Variants in IL1RAPL1 observed in about 807,000 individuals in gnomAD.
IL1RAPL1 encodes interleukin-1 receptor accessory protein-like 1.
A neutral mutation model predicts 48.4 loss-of-function variants in IL1RAPL1; 3 were observed. That is an observed-to-expected ratio of 0.06 (90% CI 0.03 to 0.16). The LOEUF is 0.16. Among genes scored for constraint, IL1RAPL1 ranks in the 10% least tolerant of loss-of-function variants. The pLI is 1.00. For missense variants in IL1RAPL1, 349 were observed against 530.6 expected, an observed-to-expected ratio of 0.66 and a Z score of 3.36; for synonymous variants, 185 against 187.7, an observed-to-expected ratio of 0.99 and a Z score of 0.12.
intron 6 of IL1RAPL1, among the ~76,000 whole-genome samples, chrX:29,803,224 TATACACAC>T (rs1930095404): frequency 7.3e-5 from 2 of 27,314 alleles, no homozygotes; most frequent in African/African-American, 3.3e-4. Context: ...TATGTATACA[TATACACAC>T]ATGTATATAT....
intron 6 of IL1RAPL1, among the ~76,000 whole-genome samples, chrX:29,859,232 C>G (rs1342529661): frequency 1.8e-5 from 2 of 111,942 alleles, no homozygotes; most frequent in Non-Finnish European, 1.9e-5. Flanking sequence ...CCATCTCAAC[C>G]TGGAGGTATC....
intron 5 of IL1RAPL1, among the ~76,000 whole-genome samples, chrX:29,407,722 T>A (rs753169374): frequency 2.7e-5 from 3 of 112,035 alleles, no homozygotes; most frequent in Non-Finnish European, 1.9e-5. Context: ...TTGTTTGGGC[T>A]AATTTGGGTC....
intron 2 of IL1RAPL1, among the ~76,000 whole-genome samples, chrX:28,951,173 G>A (rs181263569): frequency 0.026 from 2,616 of 100,840 alleles, 103 homozygotes; most frequent in African/African-American, 0.087. Context: ...CCTAATGCTA[G>A]ATGACGAGTT....
At chrX:29,631,154 A>G (rs1362476072) in intron 5 of IL1RAPL1, among the ~76,000 whole-genome samples, 1 of 112,275 alleles carries the variant, frequency 8.9e-6, no homozygotes, top group Non-Finnish European at 1.9e-5. Context: ...GGACTAATGT[A>G]TGTGACTGTT....
intron 3 of IL1RAPL1, among the ~76,000 whole-genome samples, chrX:29,392,751 G>A (rs948711332): frequency 1.8e-5 from 2 of 111,834 alleles, no homozygotes; most frequent in African/African-American, 6.5e-5. Context: ...GATGGCTGTG[G>A]TAGGGAGTCC....
chrX:29,146,031 T>C (rs1468063954), intron 2 of IL1RAPL1, among the ~76,000 whole-genome samples: 1 of 111,802 alleles, frequency 8.9e-6, no homozygotes, highest in Non-Finnish European at 1.9e-5. Context: ...AAACAGAGAT[T>C]AGTATGTGTC....
At chrX:29,842,351 T>C (rs1306409207) in intron 6 of IL1RAPL1, among the ~76,000 whole-genome samples, 1 of 112,293 alleles carries the variant, frequency 8.9e-6, no homozygotes, top group Non-Finnish European at 1.9e-5. Context: ...CACAGGTGAA[T>C]AGATCTGTCC....
At chrX:28,815,839 GTA>G (rs61436993) in intron 2 of IL1RAPL1, among the ~76,000 whole-genome samples, 2,096 of 28,880 alleles carry the variant, frequency 0.073, 46 homozygotes, top group South Asian at 0.1. Context: ...GTGTGTTTAT[GTA>G]TATATATATA....
At chrX:29,353,385 A>G (rs2064252) in intron 3 of IL1RAPL1, among the ~76,000 whole-genome samples, 51,361 of 110,276 alleles carry the variant, frequency 0.47, 8,712 homozygotes, top group Middle Eastern at 0.6. Flanking sequence ...GGGGAATTTT[A>G]TCATGTATTC....
chrX:29,228,103 C>G (rs1364305382), intron 2 of IL1RAPL1, among the ~76,000 whole-genome samples: 1 of 106,324 alleles, frequency 9.4e-6, no homozygotes, highest in East Asian at 3.0e-4. Context: ...TCCTTGATGT[C>G]AGAAGCTAGA....
chrX:28,991,789 T>G (rs1350354561), intron 2 of IL1RAPL1, among the ~76,000 whole-genome samples: 6 of 112,670 alleles, frequency 5.3e-5, no homozygotes, highest in Non-Finnish European at 1.1e-4. Context: ...AATTGAAATA[T>G]TATATGGATG....
chrX:28,877,780 G>A (rs1922410150), intron 2 of IL1RAPL1, among the ~76,000 whole-genome samples: 1 of 111,589 alleles, frequency 9.0e-6, no homozygotes, highest in Non-Finnish European at 1.9e-5. Flanking sequence ...TGTCTTCAAA[G>A]TACCTTTACT....
chrX:29,483,726 T>A (rs1323641305), intron 5 of IL1RAPL1, among the ~76,000 whole-genome samples: 2 of 108,714 alleles, frequency 1.8e-5, no homozygotes. Context: ...CCCGGCTCTG[T>A]CACTCAGCAG....
rs185656182 is a variant in IL1RAPL1, at chrX:29,877,834, T to G, written c.779-39630T>G. Among the ~76,000 whole-genome samples, 102 of 111,696 alleles carry G rather than the reference T, an allele frequency of 9.1e-4. 1 individual carries two copies. In the Admixed American group the frequency reaches 9.4e-3, roughly 10 times the overall value. ...TGAAAGCATTCCCATGCTTTAGAATTTTGGTTTAAGGCTTAGACCAAAATC... is the reference window on the plus strand; with the variant it reads ...TGAAAGCATTCCCATGCTTTAGAATGTTGGTTTAAGGCTTAGACCAAAATC... On this transcript the variant is annotated intron_variant, in intron 6 of 10. Coordinates refer to ENST00000378993, the MANE Select transcript of IL1RAPL1 (RefSeq NM_014271.4).
At chrX:29,878,760 G>A (rs750660885) in intron 6 of IL1RAPL1, among the ~76,000 whole-genome samples, 180 of 111,912 alleles carry the variant, frequency 1.6e-3, no homozygotes, top group South Asian at 0.011. Flanking sequence ...ATGGCATGAA[G>A]GTATATCAGT....
At chrX:28,825,716 A>G (rs1405557779) in intron 2 of IL1RAPL1, among the ~76,000 whole-genome samples, 2 of 111,267 alleles carry the variant, frequency 1.8e-5, no homozygotes, top group Admixed American at 1.9e-4. Context: ...AGGTATTGAA[A>G]ATGTACTTTT....
chrX:29,197,954 C>T (rs1006249238), intron 2 of IL1RAPL1, among the ~76,000 whole-genome samples: 3 of 110,988 alleles, frequency 2.7e-5, no homozygotes, highest in Admixed American at 9.6e-5. Flanking sequence ...GGTGATCCAC[C>T]GGTCTCGGCC....
chrX:29,381,833 A>AAAATATATAT (rs1365599735), intron 3 of IL1RAPL1, among the ~76,000 whole-genome samples: 9 of 25,376 alleles, frequency 3.5e-4, no homozygotes, highest in Non-Finnish European at 5.6e-4. Flanking sequence ...AAAAAAAAAA[A>AAAATATATAT]ATATATATAT....
intron 2 of IL1RAPL1, among the ~76,000 whole-genome samples, chrX:28,808,467 C>G (rs1041261149): frequency 9.0e-6 from 1 of 110,616 alleles, no homozygotes; most frequent in East Asian, 2.9e-4. Flanking sequence ...TGCATTAATA[C>G]ATGAAGAGTT....
Sources: allele counts gnomAD v4.1 joint callset (sites outside exome capture counted in the v4.1 genomes callset), GRCh38; gene constraint gnomAD v4.1.1; transcripts MANE v1.5; gene names NCBI Gene and HGNC (gene_info 2026-07-23, HGNC 2026-07-21).